Variants in PRKACB observed in about 807,000 individuals in gnomAD.
The protein encoded by PRKACB is cAMP-dependent protein kinase catalytic subunit beta.
In PRKACB, 16 loss-of-function variants were observed where a neutral mutation model predicts 51.4. The ratio of observed to expected loss-of-function variants is 0.31; its 90% CI spans 0.21 to 0.47. PRKACB has a LOEUF of 0.47. Ranked by LOEUF, PRKACB falls within the 20% of genes least tolerant of loss-of-function variation. PRKACB has a pLI of 1.00. For missense variants in PRKACB, 309 were observed against 464.5 expected (o/e 0.67, Z 3.08); for synonymous variants, 147 against 154.4 (o/e 0.95, Z 0.35).
At chr1:84,098,262 A>C (rs995802380) in intron 1 of PRKACB, among the ~76,000 whole-genome samples, 6 of 152,104 alleles carry the variant, frequency 3.9e-5, no homozygotes, top group African/African-American at 1.2e-4. Context: ...AATATAAATA[A>C]AAATATTTTC....
At chr1:84,197,631 T>C in intron 6 of PRKACB, 98 bp from the exon 7 acceptor site, 1 of 748,086 alleles carries the variant, frequency 1.3e-6, no homozygotes, top group Non-Finnish European at 2.1e-6. Flanking sequence ...ATTTCTTTCA[T>C]AGTTTCAATT....
intron 1 of PRKACB, among the ~76,000 whole-genome samples, chr1:84,124,941 C>G (rs1475804527): frequency 6.6e-6 from 1 of 152,162 alleles, no homozygotes; most frequent in African/African-American, 2.4e-5. Flanking sequence ...ATATTTCATA[C>G]ATTTTAGTAC....
intron 1 of PRKACB, among the ~76,000 whole-genome samples, chr1:84,148,407 A>C (rs1280588815): frequency 6.6e-6 from 1 of 151,608 alleles, no homozygotes; most frequent in Non-Finnish European, 1.5e-5. Context: ...TATAGTTTAT[A>C]ATATTTAAAA....
intron 1 of PRKACB, chr1:84,173,221 ATTCTAT>A: frequency 1.5e-6 from 1 of 681,462 alleles, no homozygotes. Flanking sequence ...TTGTTTTATC[ATTCTAT>A]TTCTATGTGC....
intron 1 of PRKACB, among the ~76,000 whole-genome samples, chr1:84,112,234 T>C (rs1650292727): frequency 6.7e-6 from 1 of 149,652 alleles, no homozygotes; most frequent in African/African-American, 2.5e-5. Flanking sequence ...TCTTTTTTTT[T>C]TTTTTTTTTT....
chr1:84,117,101 C>T (rs1650696717), intron 1 of PRKACB, among the ~76,000 whole-genome samples: 1 of 151,618 alleles, frequency 6.6e-6, no homozygotes, highest in Non-Finnish European at 1.5e-5. Context: ...TGATGTGGTG[C>T]ATCCCATTTA....
chr1:84,102,365 C>T (rs929660151), intron 1 of PRKACB, among the ~76,000 whole-genome samples: 1 of 151,730 alleles, frequency 6.6e-6, no homozygotes, highest in African/African-American at 2.4e-5. Flanking sequence ...CCAGCCTAGG[C>T]GACAGAGCGA....
At position 84,151,534 on chromosome 1, in the gene PRKACB, G is replaced by C. The variant is rs1654858987; in HGVS notation, c.187+6986G>C. Among the ~76,000 whole-genome samples the C allele has an allele frequency of 2.0e-5, 3 of 152,288 alleles. No homozygotes were observed. In the South Asian group the frequency reaches 6.2e-4, roughly 32 times the overall value. ...TGTTTTTGGTAGCATTTTACCCACA[G>C]TAGAACTTCTTTTAAAATTGGAGTC... On this transcript the variant is annotated intron_variant, in intron 1 of 9. Coordinates refer to ENST00000370685, the MANE Select transcript of PRKACB (RefSeq NM_182948.4).
chr1:84,140,578 A>G (rs114491094), upstream of PRKACB, among the ~76,000 whole-genome samples: 1,419 of 152,214 alleles, frequency 9.3e-3, 27 homozygotes, highest in African/African-American at 0.033. Flanking sequence ...TTAAACTCTA[A>G]AGTACATAGT....
chr1:84,109,945 T>C (rs1344190499), intron 1 of PRKACB, among the ~76,000 whole-genome samples: 1 of 151,972 alleles, frequency 6.6e-6, no homozygotes, highest in African/African-American at 2.4e-5. Context: ...ACTTTTTATA[T>C]AGTCAAGTAT....
chr1:84,171,893 G>T (rs1225350865), intron 1 of PRKACB, among the ~76,000 whole-genome samples: 1 of 151,316 alleles, frequency 6.6e-6, no homozygotes, highest in Non-Finnish European at 1.5e-5. Flanking sequence ...AAACAAAAAA[G>T]GTAATTTTTA....
At chr1:84,154,747 A>C (rs1366876433) in intron 1 of PRKACB, among the ~76,000 whole-genome samples, 1 of 152,184 alleles carries the variant, frequency 6.6e-6, no homozygotes, top group Non-Finnish European at 1.5e-5. Flanking sequence ...ACAAATCAAC[A>C]TATGTGATAC....
At chr1:84,150,691 C>A (rs1251006071) in intron 1 of PRKACB, among the ~76,000 whole-genome samples, 3 of 152,176 alleles carry the variant, frequency 2.0e-5, no homozygotes, top group Non-Finnish European at 2.9e-5. Context: ...CTTCTGCCAT[C>A]ATTGAAAGCT....
intron 1 of PRKACB, among the ~76,000 whole-genome samples, chr1:84,155,759 T>G (rs1376920322): frequency 6.6e-6 from 1 of 152,236 alleles, no homozygotes; most frequent in Non-Finnish European, 1.5e-5. Flanking sequence ...CTTTGGTGTT[T>G]CATTATTGTT....
upstream of PRKACB, chr1:84,078,091 A>ACCGCCGTCG (rs1553156560): frequency 6.9e-5 from 28 of 405,398 alleles, no homozygotes; most frequent in Non-Finnish European, 1.0e-4. Flanking sequence ...TGCTGCTGCC[A>ACCGCCGTCG]CCGCCGTCGC....
At chr1:84,111,977 AT>A (rs1650267235) in intron 1 of PRKACB, among the ~76,000 whole-genome samples, 1 of 152,166 alleles carries the variant, frequency 6.6e-6, no homozygotes, top group African/African-American at 2.4e-5. Flanking sequence ...AAGAAGACTA[AT>A]TATGTCCCTG....
chr1:84,103,635 C>G (rs1649517552), intron 1 of PRKACB, among the ~76,000 whole-genome samples: 1 of 152,150 alleles, frequency 6.6e-6, no homozygotes, highest in Non-Finnish European at 1.5e-5. Context: ...GCTTAGACCC[C>G]AGACATTGTG....
chr1:84,162,352 G>T (rs1302773003), intron 1 of PRKACB, among the ~76,000 whole-genome samples: 1 of 151,926 alleles, frequency 6.6e-6, no homozygotes, highest in Non-Finnish European at 1.5e-5. Context: ...GACATTTTCA[G>T]CCATTATTCC....
intron 1 of PRKACB, among the ~76,000 whole-genome samples, chr1:84,090,500 G>T (rs143553640): frequency 3.3e-5 from 5 of 152,278 alleles, no homozygotes; most frequent in African/African-American, 1.2e-4. Flanking sequence ...AGCTATCTTA[G>T]CTCTGCTAAT....
Sources: allele counts gnomAD v4.1 joint callset (sites outside exome capture counted in the v4.1 genomes callset), GRCh38; gene constraint gnomAD v4.1.1; transcripts MANE v1.5; gene names NCBI Gene and HGNC (gene_info 2026-07-23, HGNC 2026-07-21).